ANPEP: variants seen among roughly 807,000 people sequenced by gnomAD.
The protein encoded by ANPEP is aminopeptidase N.
Under a neutral mutation model 114.6 loss-of-function variants are expected in ANPEP, and 70 were observed. The ratio of observed to expected loss-of-function variants is 0.61; its 90% CI spans 0.50 to 0.75. The LOEUF is 0.75. Among genes scored for constraint, ANPEP ranks in the 30% least tolerant of loss-of-function variants. The pLI, the probability that ANPEP is intolerant of heterozygous loss-of-function variation, is 0.00. For missense variants in ANPEP, 1,184 were observed against 1,259.5 expected (o/e 0.94, Z 0.91); for synonymous variants, 548 against 522.3 (o/e 1.05, Z -0.67).
At chr15:89,790,896 C>A (rs1968608626) in intron 19 of ANPEP, 57 bp downstream of exon 19, 1 of 1,592,250 alleles carries the variant, frequency 6.3e-7, no homozygotes, top group Non-Finnish European at 8.6e-7. Flanking sequence ...CACAGGCCAC[C>A]CCCCGGGGCC....
rs748746514 is a variant in ANPEP at position 89,806,153 on chromosome 15, C to T, written c.431G>A (p.Gly144Asp). 13 of 1,614,034 alleles carry T rather than the reference C, an allele frequency of 8.1e-6. No individual in the cohort carries two copies. The highest frequency in any genetic ancestry group is 1.1e-5 in the Non-Finnish European group (13 of 1,179,944). Reference sequence around the variant, plus strand: ...CTTGTCAATGTCGGGGGGCTGGGAGCCTCCCACACCACGCAGGACCACCCT... The same window carrying T: ...CTTGTCAATGTCGGGGGGCTGGGAGTCTCCCACACCACGCAGGACCACCCT... ...GHRVVLRGVG[G>D]SQPPDIDKTE... The change falls in exon 2 of 21, where the codon GGC (glycine) becomes GAC (aspartate). Residue 144 changes from glycine (G) to aspartate (D), a missense_variant. Coordinates refer to ENST00000300060, the MANE Select transcript of ANPEP (RefSeq NM_001150.3). This position sits in a 1 kb window ranked among gnomAD's most constrained non-coding sequence, Gnocchi z 5.7.
At chr15:89,801,382 A>T in intron 11 of ANPEP, 53 bp downstream of exon 11, 1 of 1,600,188 alleles carries the variant, frequency 6.2e-7, no homozygotes, top group Non-Finnish European at 8.5e-7. Context: ...TCCCTTAGTA[A>T]CTGCCCTCTA....
At chr15:89,813,991 T>TGTG (rs1894860296) in intron 1 of ANPEP, among the ~76,000 whole-genome samples, 3 of 111,710 alleles carry the variant, frequency 2.7e-5, no homozygotes, top group African/African-American at 8.6e-5. Flanking sequence ...ACCGCACTGC[T>TGTG]GGGGGGGGGG....
At chr15:89,789,917 G>A (rs1968584571) in intron 20 of ANPEP, among the ~76,000 whole-genome samples, 1 of 151,966 alleles carries the variant, frequency 6.6e-6, no homozygotes, top group African/African-American at 2.4e-5. Flanking sequence ...AAATTAGCCA[G>A]GCGCGGTGGC....
In ANPEP at chr15:89,803,662, G is replaced by T. The variant is rs752774771; in HGVS notation, c.1422C>A (p.Ala474=). 3 of 1,611,848 alleles carry T rather than the reference G, an allele frequency of 1.9e-6. No homozygotes were observed. The highest frequency in any genetic ancestry group is 2.5e-6 in the Non-Finnish European group (3 of 1,178,874). ...CGGGCTGCACCTTGCTGTAGGAGAT[G>T]GCGTCAAACAGCTCACTGATCTGGG... ...TPAQISELFD[A]ISYSKGASVL... Residue 474 remains alanine, a synonymous_variant, in exon 8 of 21, where the codon GCC becomes GCA. Coordinates refer to ENST00000300060, the MANE Select transcript of ANPEP (RefSeq NM_001150.3). This position sits in a 1 kb window ranked among gnomAD's most constrained non-coding sequence, Gnocchi z 4.2.
intron 20 of ANPEP, among the ~76,000 whole-genome samples, chr15:89,789,339 C>T (rs1162814006): frequency 2.0e-5 from 3 of 152,094 alleles, no homozygotes; most frequent in African/African-American, 7.2e-5. Context: ...CTTTGTCAAG[C>T]TTCTAATTCA....
intron 14 of ANPEP, among the ~76,000 whole-genome samples, chr15:89,798,651 G>T (rs1379786455): frequency 1.3e-5 from 2 of 151,532 alleles, no homozygotes; most frequent in Admixed American, 1.3e-4. Context: ...AAAAAAAGCG[G>T]GGGGGCATGG....
chr15:89,807,467 G>A (rs1894738256), intron 1 of ANPEP, among the ~76,000 whole-genome samples: 1 of 152,250 alleles, frequency 6.6e-6, no homozygotes, highest in Non-Finnish European at 1.5e-5. Flanking sequence ...TTGGAAGGCC[G>A]AGGTGGGTGG....
intron 10 of ANPEP, 49 bp from the exon 11 acceptor site, chr15:89,801,656 C>G: frequency 6.3e-7 from 1 of 1,590,824 alleles, no homozygotes; most frequent in Non-Finnish European, 8.6e-7. Flanking sequence ...CCTCCAGTCC[C>G]TGCCATCCAG....
Position 89,801,122 on chromosome 15 carries a change from A to T in ANPEP, c.1808T>A (p.Ile603Lys), listed in dbSNP as rs17240212. Reference sequence around the variant, plus strand: ...CAGGGCTGGATTACCTCTTACATCTATCAGCCAGTAGTCCTGCTGCTGTCT... The same window carrying T: ...CAGGGCTGGATTACCTCTTACATCTTTCAGCCAGTAGTCCTGCTGCTGTCT... ...DGRQQQDYWLIDVRAQNDLFS... is the reference protein window; with the variant it reads ...DGRQQQDYWLKDVRAQNDLFS... Residue 603 changes from isoleucine to lysine, a missense_variant, in exon 12 of 21, where the codon ATA (isoleucine) becomes AAA (lysine). Coordinates refer to ENST00000300060, the MANE Select transcript of ANPEP (RefSeq NM_001150.3). 23,878 of 1,614,076 alleles carry T rather than the reference A, an allele frequency of 0.015. 246 individuals are homozygous for T. The highest frequency in any genetic ancestry group is 0.027 in the Middle Eastern group (166 of 6,056).
Position 89,805,951 on chromosome 15 carries a change from C to T in ANPEP, c.614+19G>A. ...AGCACCTCGGATCCACCCCACCGGG[C>T]AGCCCAGCCGGAACTCACTTTCTGA... is the stretch of plus-strand genomic sequence containing the variant. On this transcript the variant is annotated intron_variant, in intron 2 of 20. Coordinates refer to ENST00000300060, the MANE Select transcript of ANPEP (RefSeq NM_001150.3). 1 of 1,568,382 alleles carries T rather than the reference C, an allele frequency of 6.4e-7. No individual in the cohort carries two copies. Among genetic ancestry groups the T allele is most frequent in the Non-Finnish European group, 8.7e-7 (1 of 1,153,106 alleles).
rs1894723410 is a variant in ANPEP, at chr15:89,806,699, A to T, written c.-116T>A. The T allele has an allele frequency of 7.0e-7, 1 of 1,429,008 alleles. No homozygotes were observed. The highest frequency in any genetic ancestry group is 9.2e-7 in the Non-Finnish European group (1 of 1,088,898). 88.5% of individuals were successfully genotyped at this position (1,429,008 alleles called of 1,614,324 possible). Reference sequence around the variant, plus strand: ...CCCCACAACAGGCAGACTGGGCAAAAATTAACCAGGGCTCCAACAGGCGAA... The same window carrying T: ...CCCCACAACAGGCAGACTGGGCAAATATTAACCAGGGCTCCAACAGGCGAA... On this transcript the variant is annotated 5_prime_UTR_variant, in exon 2 of 21. Coordinates refer to ENST00000300060, the MANE Select transcript of ANPEP (RefSeq NM_001150.3). The surrounding 1 kb of genome is among the most constrained non-coding windows in gnomAD (Gnocchi z 5.7).
chr15:89,813,120 T>C (rs1292457885), intron 1 of ANPEP, among the ~76,000 whole-genome samples: 2 of 151,882 alleles, frequency 1.3e-5, no homozygotes, highest in African/African-American at 2.4e-5. Context: ...CCTATGTGAA[T>C]AAGGACACCC....
At chr15:89,813,974 C>G (rs1056837068) in intron 1 of ANPEP, among the ~76,000 whole-genome samples, 9 of 148,350 alleles carry the variant, frequency 6.1e-5, no homozygotes, top group East Asian at 2.1e-4. Flanking sequence ...CTGGGCCGTC[C>G]CTGCCCACCG....
In ANPEP at chr15:89,806,251, G is replaced by A. The variant is rs1894710499; in HGVS notation, c.333C>T (p.Phe111=). 6.2e-7 allele frequency: 1 copy of A among 1,614,158 alleles called. No homozygotes were observed. ...TGACGTCAGTGGCCTCCTTGCAGGT[G>A]AAACGGACGGTGCTGGAGCCCTTAA... ...YVFKGSSTVR[F]TCKEATDVII... The change falls in exon 2 of 21, where the codon TTC becomes TTT. Residue 111 remains phenylalanine (F), a synonymous_variant. Transcript: ENST00000300060. The surrounding 1 kb of genome is among the most constrained non-coding windows in gnomAD (Gnocchi z 5.7).
At chr15:89,796,840 T>C (rs1171385072) in intron 15 of ANPEP, among the ~76,000 whole-genome samples, 5 of 152,192 alleles carry the variant, frequency 3.3e-5, no homozygotes, top group African/African-American at 4.8e-5. Context: ...TCTTCAAGCA[T>C]GATTTAATGA....
At chr15:89,785,527 G>T in intron 20 of ANPEP, 26 bp from the exon 21 acceptor site, 1 of 1,575,700 alleles carries the variant, frequency 6.3e-7, no homozygotes, top group Non-Finnish European at 8.6e-7. Context: ...AAGATTCTCA[G>T]TCCGGCTGGG....
Position 89,791,115 on chromosome 15 carries a change from T to A in ANPEP, c.2529-22A>T. 3.1e-6 allele frequency: 5 copies of A among 1,612,322 alleles called. No homozygotes were observed. The Admixed American group carries it at 6.7e-5, about 22-fold the overall frequency. ...GTACCTAAGAGGGCCAGATGCTGTCTCAGCTACTGCTAATTCAGGTGACTC... is the reference window on the plus strand; with the variant it reads ...GTACCTAAGAGGGCCAGATGCTGTCACAGCTACTGCTAATTCAGGTGACTC... On this transcript the variant is annotated intron_variant, in intron 18 of 20. Coordinates refer to ENST00000300060, the MANE Select transcript of ANPEP (RefSeq NM_001150.3).
At chr15:89,811,801 C>G (rs1441792403) in intron 1 of ANPEP, among the ~76,000 whole-genome samples, 1 of 152,182 alleles carries the variant, frequency 6.6e-6, no homozygotes, top group Admixed American at 6.5e-5. Flanking sequence ...GGTGCAGGCT[C>G]TTTCTGCCAG....
Sources: gnomAD v4.1 joint callset for allele counts (sites outside exome capture counted in the v4.1 genomes callset) on GRCh38, gnomAD v4.1.1 for gene constraint, Gnocchi (gnomAD v3.1) non-coding constraint, MANE v1.5 for transcripts, NCBI Gene and HGNC (gene_info 2026-07-23, HGNC 2026-07-21) for gene names.